Variants in MACROD2 observed in about 807,000 individuals in gnomAD.
MACROD2 encodes mono-ADP ribosylhydrolase 2.
A neutral mutation model predicts 70.4 loss-of-function variants in MACROD2; 36 were observed. The ratio of observed to expected loss-of-function variants is 0.51; its 90% CI spans 0.39 to 0.68. MACROD2 has a LOEUF of 0.68. MACROD2 is among the 30% of genes least tolerant of loss of function. The pLI is 0.00. For synonymous variants in MACROD2, 172 were observed against 178.8 expected (o/e 0.96, Z 0.30); for missense variants, 496 against 538.4 (o/e 0.92, Z 0.78).
chr20:14,090,837 GT>G (rs2148672438), intron 3 of MACROD2, among the ~76,000 whole-genome samples: 1 of 152,280 alleles, frequency 6.6e-6, no homozygotes, highest in African/African-American at 2.4e-5. Context: ...CCTCCATGGT[GT>G]TTTCCTCTGT....
At chr20:14,124,522 C>T (rs931899174) in intron 3 of MACROD2, among the ~76,000 whole-genome samples, 3 of 152,124 alleles carry the variant, frequency 2.0e-5, no homozygotes, top group African/African-American at 7.2e-5. Context: ...AATTGTTAGG[C>T]ACTTCTTACA....
At chr20:15,221,282 C>A (rs1244853029) in intron 5 of MACROD2, among the ~76,000 whole-genome samples, 1 of 152,126 alleles carries the variant, frequency 6.6e-6, no homozygotes. Context: ...CTATTTGGAC[C>A]TTCACCTCCT....
At chr20:14,758,968 A>G (rs1039501489) in intron 5 of MACROD2, among the ~76,000 whole-genome samples, 3 of 152,024 alleles carry the variant, frequency 2.0e-5, no homozygotes, top group Non-Finnish European at 4.4e-5. Context: ...GAATCCACCT[A>G]TGCTCTCCAT....
At chr20:14,143,840 A>G (rs2054908846) in intron 3 of MACROD2, among the ~76,000 whole-genome samples, 1 of 152,202 alleles carries the variant, frequency 6.6e-6, no homozygotes, top group Admixed American at 6.5e-5. Context: ...ATAATTAGAC[A>G]AGACTTATGA....
intron 3 of MACROD2, among the ~76,000 whole-genome samples, chr20:14,468,866 G>A (rs1290754897): frequency 2.6e-5 from 4 of 152,090 alleles, no homozygotes; most frequent in African/African-American, 9.7e-5. Flanking sequence ...ACAGCACCCC[G>A]ATGGGTCTTG....
At chr20:14,631,078 C>T (rs1414491326) in intron 4 of MACROD2, among the ~76,000 whole-genome samples, 2 of 152,062 alleles carry the variant, frequency 1.3e-5, no homozygotes, top group Non-Finnish European at 2.9e-5. Context: ...TATATGGAAT[C>T]GTTAAATGAA....
chr20:15,759,500 T>C (rs1031347778), intron 8 of MACROD2, among the ~76,000 whole-genome samples: 1 of 152,210 alleles, frequency 6.6e-6, no homozygotes, highest in Non-Finnish European at 1.5e-5. Flanking sequence ...GAAAGGCTCA[T>C]TGTGCAATTA....
At chr20:14,491,403 A>C (rs77492130) in intron 3 of MACROD2, among the ~76,000 whole-genome samples, 98 of 152,356 alleles carry the variant, frequency 6.4e-4, no homozygotes, top group Middle Eastern at 3.4e-3. Context: ...TTAAATTAAG[A>C]TTCTATTACA....
At chr20:15,254,184 A>G (rs1475353747) in intron 6 of MACROD2, among the ~76,000 whole-genome samples, 1 of 152,198 alleles carries the variant, frequency 6.6e-6, no homozygotes, top group East Asian at 1.9e-4. Flanking sequence ...TTATCTCTCC[A>G]TGCCTTGTGA....
intron 2 of MACROD2, among the ~76,000 whole-genome samples, chr20:14,056,852 C>G (rs184864002): frequency 4.9e-4 from 74 of 151,180 alleles, no homozygotes; most frequent in Admixed American, 9.2e-4. Flanking sequence ...TGTGCTTCAG[C>G]TATCATGTAT....
intron 12 of MACROD2, among the ~76,000 whole-genome samples, chr20:15,938,016 A>G (rs1202643223): frequency 6.6e-6 from 1 of 151,950 alleles, no homozygotes; most frequent in Admixed American, 6.6e-5. Context: ...ATCATTCTCC[A>G]TTCTGTCAGA....
At chr20:15,808,217 G>A (rs903459743) in intron 8 of MACROD2, among the ~76,000 whole-genome samples, 6 of 152,076 alleles carry the variant, frequency 3.9e-5, no homozygotes, top group African/African-American at 1.2e-4. Flanking sequence ...TCTTTAACTC[G>A]GTGTCTGAGG....
At position 14,416,171 on chromosome 20, in the gene MACROD2, A is replaced by C. The variant is rs563950334; in HGVS notation, c.272-77308A>C. On this transcript the variant is annotated intron_variant, in intron 3 of 17. Coordinates refer to ENST00000684519, the MANE Select transcript of MACROD2 (RefSeq NM_001351661.2). ...ATGGGGCTTCACCATGTTGGCCAGG[A>C]TGGTCTCAATCTCCTGACCTTGTGA... is the stretch of plus-strand genomic sequence containing the variant. 2.5e-3 allele frequency among the ~76,000 whole-genome samples: 387 copies of C among 152,066 alleles called. 1 individual carries two copies. Among genetic ancestry groups the C allele is most frequent in the South Asian group, 0.01 (49 of 4,814 alleles).
intron 4 of MACROD2, among the ~76,000 whole-genome samples, chr20:14,663,756 G>A (rs575341407): frequency 5.9e-5 from 9 of 151,904 alleles, no homozygotes; most frequent in Non-Finnish European, 1.0e-4. Flanking sequence ...ATGTAGTTAC[G>A]CATTAATTGT....
chr20:14,322,122 A>G (rs2082666423), intron 3 of MACROD2, among the ~76,000 whole-genome samples: 1 of 138,608 alleles, frequency 7.2e-6, no homozygotes, highest in Non-Finnish European at 1.5e-5. Context: ...AAATGTATGT[A>G]TAATTATTGA....
chr20:14,222,855 A>T (rs2081692311), intron 3 of MACROD2, among the ~76,000 whole-genome samples: 1 of 149,662 alleles, frequency 6.7e-6, no homozygotes. Flanking sequence ...ATTGAGAAGC[A>T]TTTTGTAGAA....
At chr20:14,866,299 G>A (rs2073426995) in intron 5 of MACROD2, among the ~76,000 whole-genome samples, 2 of 152,066 alleles carry the variant, frequency 1.3e-5, no homozygotes, top group South Asian at 2.1e-4. Context: ...GCAAAACTCA[G>A]GTGTTGACAC....
intron 2 of MACROD2, among the ~76,000 whole-genome samples, chr20:14,038,817 AAGT>A (rs1211816543): frequency 3.3e-5 from 5 of 152,190 alleles, no homozygotes; most frequent in Non-Finnish European, 5.9e-5. Context: ...CATTAAAAAA[AAGT>A]AGCCATTCAT....
chr20:14,203,609 G>A (rs1241466192), intron 3 of MACROD2, among the ~76,000 whole-genome samples: 1 of 152,108 alleles, frequency 6.6e-6, no homozygotes, highest in African/African-American at 2.4e-5. Flanking sequence ...TTTGATTCTG[G>A]GTAAGCACAG....
Sources: gnomAD v4.1 joint callset for allele counts (sites outside exome capture counted in the v4.1 genomes callset) on GRCh38, gnomAD v4.1.1 for gene constraint, MANE v1.5 for transcripts, NCBI Gene and HGNC (gene_info 2026-07-23, HGNC 2026-07-21) for gene names.